PRKG1: variants seen among roughly 807,000 people sequenced by gnomAD.
PRKG1 encodes cGMP-dependent protein kinase 1.
Under a neutral mutation model 88.1 loss-of-function variants are expected in PRKG1, and 35 were observed. That is an observed-to-expected ratio of 0.40 (90% confidence interval 0.30 to 0.53). The LOEUF (loss-of-function observed/expected upper bound fraction) is 0.53. Among genes scored for constraint, PRKG1 ranks in the 20% least tolerant of loss-of-function variants. The probability of loss-of-function intolerance (pLI) is 0.59; values close to 1 mark genes in which losing one functional copy is unlikely to be tolerated. For synonymous variants in PRKG1, 303 were observed against 292.5 expected (o/e 1.04, Z -0.37); for missense variants, 540 against 839.8 (o/e 0.64, Z 4.41).
intron 3 of PRKG1, among the ~76,000 whole-genome samples, chr10:51,755,048 T>G (rs7070360): frequency 0.38 from 57,871 of 151,208 alleles, 11,726 homozygotes; most frequent in Middle Eastern, 0.55. Flanking sequence ...ATGTATTAGC[T>G]ACATATGTAT....
At chr10:51,305,608 G>A (rs2132248450) in intron 2 of PRKG1, among the ~76,000 whole-genome samples, 2 of 152,270 alleles carry the variant, frequency 1.3e-5, no homozygotes, top group South Asian at 4.1e-4. Flanking sequence ...TGAACAGAAT[G>A]TTCTATACCT....
chr10:51,998,810 C>T (rs1230695417), intron 5 of PRKG1, among the ~76,000 whole-genome samples: 2 of 152,036 alleles, frequency 1.3e-5, no homozygotes, highest in Non-Finnish European at 2.9e-5. Flanking sequence ...CTTGACTTTC[C>T]CTTCCCTTTA....
chr10:51,840,047 T>C (rs1457358789), intron 4 of PRKG1, among the ~76,000 whole-genome samples: 1 of 152,208 alleles, frequency 6.6e-6, no homozygotes. Flanking sequence ...GCAAATTATT[T>C]GCCAAATGCA....
At chr10:52,037,053 C>T (rs1394249375) in intron 5 of PRKG1, among the ~76,000 whole-genome samples, 1 of 152,272 alleles carries the variant, frequency 6.6e-6, no homozygotes, top group African/African-American at 2.4e-5. Context: ...CCGAGAAGAT[C>T]TGGGAAGGAG....
chr10:51,428,613 G>A (rs1838664293), intron 2 of PRKG1, among the ~76,000 whole-genome samples: 4 of 152,184 alleles, frequency 2.6e-5, no homozygotes, highest in Admixed American at 2.6e-4. Context: ...GGCACTATGA[G>A]TCTATAGCAT....
chr10:51,447,758 A>G (rs947265755), intron 2 of PRKG1, among the ~76,000 whole-genome samples: 4 of 152,096 alleles, frequency 2.6e-5, no homozygotes, highest in Middle Eastern at 3.4e-3. Flanking sequence ...GCAGGAAGTC[A>G]TAACTAACCC....
intron 2 of PRKG1, among the ~76,000 whole-genome samples, chr10:51,398,238 G>C (rs917547556): frequency 2.6e-5 from 4 of 152,178 alleles, no homozygotes; most frequent in Non-Finnish European, 2.9e-5. Context: ...GGATGAAACT[G>C]TTTCATCTCA....
intron 3 of PRKG1, among the ~76,000 whole-genome samples, chr10:51,548,968 C>G (rs1313665476): frequency 6.6e-6 from 1 of 151,866 alleles, no homozygotes; most frequent in Non-Finnish European, 1.5e-5. Flanking sequence ...GTGAATTTTA[C>G]TTTAAGAAGC....
intron 9 of PRKG1, among the ~76,000 whole-genome samples, chr10:52,191,213 T>G (rs10824222): frequency 0.21 from 31,470 of 152,046 alleles, 4,544 homozygotes; most frequent in African/African-American, 0.41. Flanking sequence ...GAGTGCAGTG[T>G]CCTGATCATG....
intron 5 of PRKG1, among the ~76,000 whole-genome samples, chr10:51,977,545 A>T (rs1843877796): frequency 6.6e-6 from 1 of 152,108 alleles, no homozygotes; most frequent in South Asian, 2.1e-4. Context: ...GAATTGCCAC[A>T]CTGTTTTATA....
chr10:51,388,005 T>C (rs1837296002), intron 2 of PRKG1, among the ~76,000 whole-genome samples: 3 of 152,258 alleles, frequency 2.0e-5, no homozygotes, highest in Admixed American at 2.0e-4. Context: ...CTGACAATGA[T>C]ATTTTTGTTT....
Position 51,085,782 on chromosome 10 carries a change from A to G in PRKG1, c.311+10881A>G, listed in dbSNP as rs74131707. On this transcript the variant is annotated intron_variant, in intron 1 of 17. Transcript: ENST00000373980. ...CGAAGTTTGTAGTTATTCATTTAATACCTAGCTTTATAAAAATGTAATGTG... is the reference window on the plus strand; with the variant it reads ...CGAAGTTTGTAGTTATTCATTTAATGCCTAGCTTTATAAAAATGTAATGTG... 4.7e-3 allele frequency among the ~76,000 whole-genome samples: 715 copies of G among 152,284 alleles called. 5 individuals carry two copies. Among genetic ancestry groups the G allele is most frequent in the African/African-American group, 0.016 (669 of 41,562 alleles).
At chr10:51,043,402 A>G (rs527362771) in intron 1 of PRKG1, among the ~76,000 whole-genome samples, 3 of 152,170 alleles carry the variant, frequency 2.0e-5, no homozygotes, top group Non-Finnish European at 4.4e-5. Context: ...CTTATTCTTC[A>G]GGTCTCACCT....
intron 9 of PRKG1, among the ~76,000 whole-genome samples, chr10:52,228,161 A>T (rs542238528): frequency 6.6e-6 from 1 of 152,298 alleles, no homozygotes; most frequent in South Asian, 2.1e-4. Flanking sequence ...GAATAAAAAG[A>T]AAACCTTTCA....
At chr10:51,827,103 CCAAAGTATTCAAGACAAAG>C (rs1839898236) in intron 4 of PRKG1, among the ~76,000 whole-genome samples, 1 of 151,946 alleles carries the variant, frequency 6.6e-6, no homozygotes, top group African/African-American at 2.4e-5. Flanking sequence ...GCAAAGTTTC[CCAAAGTATTCAAGACAAAG>C]AAAAACAACA....
At chr10:51,024,238 C>T (rs779000735) in intron 1 of PRKG1, among the ~76,000 whole-genome samples, 1 of 152,268 alleles carries the variant, frequency 6.6e-6, no homozygotes, top group East Asian at 1.9e-4. Context: ...TCCATGAGTT[C>T]TTAACTATAT....
At chr10:52,096,511 C>G (rs1564467091) in intron 7 of PRKG1, among the ~76,000 whole-genome samples, 1 of 152,190 alleles carries the variant, frequency 6.6e-6, no homozygotes, top group Non-Finnish European at 1.5e-5. Flanking sequence ...CATTTCCACC[C>G]TTCTTAAGCC....
At chr10:52,112,052 C>A (rs569580686) in intron 7 of PRKG1, among the ~76,000 whole-genome samples, 1 of 152,182 alleles carries the variant, frequency 6.6e-6, no homozygotes, top group South Asian at 2.1e-4. Context: ...CTGAAGCCAA[C>A]CTGCTTCCAG....
At chr10:51,788,657 C>T (rs891935975) in intron 3 of PRKG1, among the ~76,000 whole-genome samples, 9 of 152,126 alleles carry the variant, frequency 5.9e-5, no homozygotes, top group African/African-American at 1.7e-4. Flanking sequence ...ACTTTCTTAA[C>T]GGGACCTAGA....
Sources: allele counts gnomAD v4.1 joint callset (sites outside exome capture counted in the v4.1 genomes callset), GRCh38; gene constraint gnomAD v4.1.1; transcripts MANE v1.5; gene names NCBI Gene and HGNC (gene_info 2026-07-23, HGNC 2026-07-21).